Variants in PODXL observed in about 807,000 individuals in gnomAD.
The protein encoded by PODXL is podocalyxin like.
Under a neutral mutation model 48.9 loss-of-function variants are expected in PODXL, and 20 were observed. The ratio of observed to expected loss-of-function variants is 0.41; its 90% CI spans 0.29 to 0.59. The LOEUF (loss-of-function observed/expected upper bound fraction) is 0.59, where lower values mean the gene tolerates loss of function less well. PODXL is among the 20% of genes least tolerant of loss of function. The probability of loss-of-function intolerance (pLI) is 0.31; values close to 1 mark genes in which losing one functional copy is unlikely to be tolerated. For synonymous variants in PODXL, 295 were observed against 287.4 expected (o/e 1.03, Z -0.27); for missense variants, 606 against 675.1 (o/e 0.90, Z 1.13).
Position 131,556,317 on chromosome 7 carries a change from A to G in PODXL, c.43T>C (p.Ser15Pro), listed in dbSNP as rs1798744625. 1 of 1,506,870 alleles carries G rather than the reference A, an allele frequency of 6.6e-7. No homozygotes were observed. Among genetic ancestry groups the G allele is most frequent in the Middle Eastern group, 2.0e-4 (1 of 4,914 alleles). The allele number at this position is 1,506,870 out of a possible 1,614,324, so 93.3% of individuals were successfully genotyped here. The stretch of plus-strand genomic sequence containing the variant: ...GACGACGGCAGCAGCGGCGGCGTTG[A>G]CAACAGTAGCAGCAGCGCCGAGAGC... ...LALSALLLLL[S>P]TPPLLPSSPS... The change falls in exon 1 of 9, where the codon TCA (serine) becomes CCA (proline). Residue 15 changes from serine (S) to proline (P), a missense_variant. Transcript: ENST00000378555.
At chr7:131,549,190 T>C (rs1798631116) in intron 1 of PODXL, among the ~76,000 whole-genome samples, 1 of 151,902 alleles carries the variant, frequency 6.6e-6, no homozygotes, top group South Asian at 2.1e-4. Context: ...GCAGCCCCGG[T>C]AGGCCTCTTT....
chr7:131,521,797 G>A (rs1323710519), intron 1 of PODXL, among the ~76,000 whole-genome samples: 1 of 152,158 alleles, frequency 6.6e-6, no homozygotes. Flanking sequence ...GCAAACCCTT[G>A]CGGGTGGGGC....
chr7:131,541,853 C>T (rs750186117), intron 1 of PODXL, among the ~76,000 whole-genome samples: 65 of 152,236 alleles, frequency 4.3e-4, no homozygotes, highest in Non-Finnish European at 8.1e-4. Flanking sequence ...CAAGGAAGCC[C>T]GGTTTCCTAT....
intron 1 of PODXL, among the ~76,000 whole-genome samples, chr7:131,522,371 G>A (rs1372211665): frequency 6.6e-6 from 1 of 152,146 alleles, no homozygotes; most frequent in Non-Finnish European, 1.5e-5. Context: ...TTGAACCCGG[G>A]AGGTGGAGGT....
chr7:131,521,486 C>T (rs1798091644), intron 1 of PODXL, among the ~76,000 whole-genome samples: 1 of 151,990 alleles, frequency 6.6e-6, no homozygotes, highest in Admixed American at 6.6e-5. Flanking sequence ...GGATTATAGG[C>T]ATGCACCACC....
chr7:131,523,692 AAAAAAAAAAAC>A (rs755845491), intron 1 of PODXL, among the ~76,000 whole-genome samples: 18,540 of 141,114 alleles, frequency 0.13, 2,833 homozygotes, highest in African/African-American at 0.37. Flanking sequence ...AAAAAAAAAA[AAAAAAAAAAAC>A]AAGAAAAGAA....
At chr7:131,550,963 T>C (rs1051338601) in intron 1 of PODXL, among the ~76,000 whole-genome samples, 3 of 152,082 alleles carry the variant, frequency 2.0e-5, no homozygotes, top group African/African-American at 7.2e-5. Flanking sequence ...GAATTCTGTG[T>C]CCTATGATTT....
At chr7:131,530,093 C>T (rs1183309324) in intron 1 of PODXL, among the ~76,000 whole-genome samples, 4 of 152,058 alleles carry the variant, frequency 2.6e-5, no homozygotes, top group East Asian at 3.9e-4. Flanking sequence ...TGCTAGGACT[C>T]GGGAAGGGCC....
chr7:131,512,052 G>A (rs1267404303), intron 1 of PODXL, among the ~76,000 whole-genome samples: 2 of 152,188 alleles, frequency 1.3e-5, no homozygotes, highest in African/African-American at 4.8e-5. Flanking sequence ...AAGCAAAAAA[G>A]ACATGGGCCC....
rs1019571438 is a variant in PODXL at position 131,541,636 on chromosome 7, G to A, written c.100+14624C>T. ...GAGGCGGAGGTTGCAGTGAGCCACT[G>A]CACTCCAGCCTGGGCAACAGAGCGA... is the stretch of plus-strand genomic sequence containing the variant. On this transcript the variant is annotated intron_variant, in intron 1 of 8. Coordinates refer to ENST00000378555, the MANE Select transcript of PODXL (RefSeq NM_001018111.3). 1.3e-5 allele frequency among the ~76,000 whole-genome samples: 2 copies of A among 149,486 alleles called. 1 individual carries two copies. The highest frequency in any genetic ancestry group is 1.3e-4 in the Admixed American group (2 of 14,936).
chr7:131,546,704 C>T (rs1262382073), intron 1 of PODXL, among the ~76,000 whole-genome samples: 2 of 120,814 alleles, frequency 1.7e-5, no homozygotes, highest in South Asian at 2.7e-4. Context: ...CCAGCCTGGG[C>T]AACACAGTGA....
chr7:131,512,335 C>A (rs1015853066), intron 1 of PODXL, among the ~76,000 whole-genome samples: 2 of 152,018 alleles, frequency 1.3e-5, no homozygotes, highest in Admixed American at 6.5e-5. Flanking sequence ...GAGCAGCCGT[C>A]AAATCTGCTT....
intron 1 of PODXL, among the ~76,000 whole-genome samples, chr7:131,524,567 C>T (rs1445889388): frequency 1.3e-5 from 2 of 152,120 alleles, no homozygotes; most frequent in Non-Finnish European, 2.9e-5. Flanking sequence ...TCCAATGCAG[C>T]ACCATTACAT....
chr7:131,539,793 A>G (rs1798445135), intron 1 of PODXL, among the ~76,000 whole-genome samples: 1 of 152,180 alleles, frequency 6.6e-6, no homozygotes, highest in Admixed American at 6.5e-5. Flanking sequence ...GTGTCCTGGT[A>G]CACTCGGGGC....
rs183902097 is a variant in PODXL at position 131,506,627 on chromosome 7, A to C, written c.1201T>G (p.Ser401Ala). The C allele has an allele frequency of 2.5e-6, 4 of 1,614,142 alleles. No homozygotes were observed. The African/African-American group carries it at 5.3e-5, about 22-fold the overall frequency. Residue 401 changes from serine (S) to alanine (A), a missense_variant, in exon 6 of 9, where the codon TCT (serine) becomes GCT (alanine). Transcript: ENST00000378555. ...ACCACGGTCTGACTTCCTGGAACAG[A>C]TGCCAGCCGTATGCCGCACTTATCT... Reference protein sequence around the residue: ...AQDKCGIRLASVPGSQTVVVK... With the variant: ...AQDKCGIRLAAVPGSQTVVVK...
chr7:131,513,416 G>A (rs4731799), intron 1 of PODXL, among the ~76,000 whole-genome samples: 54,071 of 152,098 alleles, frequency 0.36, 11,719 homozygotes, highest in East Asian at 0.63. Flanking sequence ...GTGGTGGGAA[G>A]GGGGCTGATG....
intron 4 of PODXL, 54 bp from the exon 5 acceptor site, chr7:131,509,082 C>T (rs918408226): frequency 9.6e-6 from 14 of 1,452,318 alleles, no homozygotes; most frequent in Non-Finnish European, 1.4e-5. Flanking sequence ...GAATCTTTGA[C>T]ATTTCCCCCC....
Position 131,500,730 on chromosome 7 carries a change from C to T in PODXL, c.*3581G>A, listed in dbSNP as rs576908037. 6.6e-6 allele frequency: 1 copy of T among 152,146 alleles called. No homozygotes were observed. The highest frequency in any genetic ancestry group is 2.4e-5 in the African/African-American group (1 of 41,436). 9.4% of individuals were successfully genotyped at this position (152,146 alleles called of 1,614,324 possible). ...ATGATTCAGAGAAAGTGTAGAAGAC[C>T]AGTTCTTATGTTTGTGTTCATGCCC... On this transcript the variant is annotated 3_prime_UTR_variant, in exon 9 of 9. Coordinates refer to ENST00000378555, the MANE Select transcript of PODXL (RefSeq NM_001018111.3).
At chr7:131,553,002 T>A (rs1241216677) in intron 1 of PODXL, among the ~76,000 whole-genome samples, 1 of 152,132 alleles carries the variant, frequency 6.6e-6, no homozygotes, top group Non-Finnish European at 1.5e-5. Flanking sequence ...CCCAGGCTGG[T>A]CTTGAACTCC....
Sources: allele counts gnomAD v4.1 joint callset (sites outside exome capture counted in the v4.1 genomes callset), GRCh38; gene constraint gnomAD v4.1.1; transcripts MANE v1.5; gene names NCBI Gene and HGNC (gene_info 2026-07-23, HGNC 2026-07-21).